The following GRM1 variants were observed in gnomAD, a reference collection of about 807,000 sequenced individuals.
The protein encoded by GRM1 is glutamate metabotropic receptor 1.
Under a neutral mutation model 90.9 loss-of-function variants are expected in GRM1, and 33 were observed. The ratio of observed to expected loss-of-function variants is 0.36; its 90% CI spans 0.28 to 0.49. The LOEUF (loss-of-function observed/expected upper bound fraction) is 0.49, where lower values mean the gene tolerates loss of function less well. Among genes scored for constraint, GRM1 ranks in the 20% least tolerant of loss-of-function variants. The pLI is 0.99. For synonymous variants in GRM1, 700 were observed against 613.2 expected (o/e 1.14, Z -2.09); for missense variants, 1,190 against 1,534.3 (o/e 0.78, Z 3.75).
rs150222930 is a variant in GRM1, at chr6:146,329,709, A to T, written c.1187-22541A>T. Reference sequence around the variant, plus strand: ...ACTATAAATCAAAAATGTGTTGAATACACCTAACCTGCCAAACATCATAGC... The same window carrying T: ...ACTATAAATCAAAAATGTGTTGAATTCACCTAACCTGCCAAACATCATAGC... On this transcript the variant is annotated intron_variant, in intron 3 of 7. Coordinates refer to ENST00000282753, the MANE Select transcript of GRM1 (RefSeq NM_001278064.2). Among the ~76,000 whole-genome samples, 140 of 152,316 alleles carry T rather than the reference A, an allele frequency of 9.2e-4. 1 individual carries two copies. Among genetic ancestry groups the T allele is most frequent in the African/African-American group, 3.1e-3 (128 of 41,566 alleles).
At chr6:146,252,878 G>T (rs1254423772) in intron 2 of GRM1, among the ~76,000 whole-genome samples, 2 of 152,048 alleles carry the variant, frequency 1.3e-5, no homozygotes, top group Non-Finnish European at 2.9e-5. Flanking sequence ...TGGCCAACAT[G>T]ATGAAACTCT....
intron 2 of GRM1, among the ~76,000 whole-genome samples, chr6:146,291,036 G>A (rs999963396): frequency 6.6e-6 from 1 of 152,184 alleles, no homozygotes; most frequent in African/African-American, 2.4e-5. Flanking sequence ...GTTATATTAT[G>A]AAACAAGGGG....
chr6:146,140,268 T>G (rs1351410860), intron 1 of GRM1, among the ~76,000 whole-genome samples: 4 of 151,144 alleles, frequency 2.6e-5, no homozygotes, highest in African/African-American at 9.8e-5. Flanking sequence ...GTATTATTAT[T>G]ATGATTATTA....
At chr6:146,283,078 T>G (rs900154124) in intron 2 of GRM1, among the ~76,000 whole-genome samples, 2 of 152,204 alleles carry the variant, frequency 1.3e-5, no homozygotes, top group African/African-American at 4.8e-5. Context: ...AAATAGATGC[T>G]GCTCTCTCAG....
At chr6:146,253,369 G>A (rs1179639275) in intron 2 of GRM1, among the ~76,000 whole-genome samples, 1 of 152,110 alleles carries the variant, frequency 6.6e-6, no homozygotes. Context: ...ATGATTTTCT[G>A]TGAATATGTG....
chr6:146,118,519 T>C (rs1775852351), intron 1 of GRM1, among the ~76,000 whole-genome samples: 1 of 152,210 alleles, frequency 6.6e-6, no homozygotes, highest in Non-Finnish European at 1.5e-5. Flanking sequence ...ATATGTGCCA[T>C]GTTGGTGTAC....
chr6:146,287,193 T>C (rs1782797259), intron 2 of GRM1, among the ~76,000 whole-genome samples: 3 of 152,136 alleles, frequency 2.0e-5, no homozygotes, highest in Non-Finnish European at 4.4e-5. Context: ...CTGTAATAAG[T>C]AGGGTTTAGA....
At chr6:146,344,286 C>G (rs753368982) in intron 3 of GRM1, among the ~76,000 whole-genome samples, 14 of 152,144 alleles carry the variant, frequency 9.2e-5, no homozygotes, top group Non-Finnish European at 1.5e-5. Context: ...ACTTTACTAT[C>G]TATAGTGCAG....
At chr6:146,217,103 A>C (rs1779898990) in intron 2 of GRM1, among the ~76,000 whole-genome samples, 1 of 152,228 alleles carries the variant, frequency 6.6e-6, no homozygotes, top group Non-Finnish European at 1.5e-5. Flanking sequence ...TAATTTGAGA[A>C]GACAAGCATA....
At chr6:146,218,590 T>G (rs920314964) in intron 2 of GRM1, among the ~76,000 whole-genome samples, 7 of 152,172 alleles carry the variant, frequency 4.6e-5, no homozygotes, top group African/African-American at 1.7e-4. Flanking sequence ...ATAAATAAAT[T>G]AGTTCCTTGT....
chr6:146,040,235 A>G (rs986254813), intron 1 of GRM1, among the ~76,000 whole-genome samples: 1 of 152,062 alleles, frequency 6.6e-6, no homozygotes, highest in African/African-American at 2.4e-5. Context: ...AAGAAAGCTG[A>G]TGGGTAAAAG....
In GRM1 at chr6:146,240,209, G is replaced by A. The variant is rs75261199; in HGVS notation, c.951-64402G>A. 1.8e-3 allele frequency among the ~76,000 whole-genome samples: 271 copies of A among 152,032 alleles called. 1 individual carries two copies. Among genetic ancestry groups the A allele is most frequent in the African/African-American group, 6.1e-3 (252 of 41,478 alleles). ...AAACACTTCAGGGCCATGTAGAACC[G>A]TACAGGATACCTCTGGCTCCGACGT... On this transcript the variant is annotated intron_variant, in intron 2 of 7. Transcript: ENST00000282753.
chr6:146,122,313 T>C (rs1776021215), intron 1 of GRM1, among the ~76,000 whole-genome samples: 1 of 152,168 alleles, frequency 6.6e-6, no homozygotes, highest in Non-Finnish European at 1.5e-5. Flanking sequence ...GGCAAGATAA[T>C]GTTTGTTTCT....
rs150387237 is a variant in GRM1, at chr6:146,192,131, G to C, written c.950+32534G>C. Among the ~76,000 whole-genome samples the C allele has an allele frequency of 9.3e-4, 141 of 152,176 alleles. 1 individual carries two copies. The highest frequency in any genetic ancestry group is 3.1e-3 in the African/African-American group (129 of 41,510). On this transcript the variant is annotated intron_variant, in intron 2 of 7. Coordinates refer to ENST00000282753, the MANE Select transcript of GRM1 (RefSeq NM_001278064.2). ...TCTAAGACAATTTCCAAATGCTAGC[G>C]TTCACTTATTGAAAAGGGGAAAGTC...
intron 7 of GRM1, among the ~76,000 whole-genome samples, chr6:146,414,436 C>A (rs1777693761): frequency 6.8e-6 from 1 of 146,618 alleles, no homozygotes; most frequent in African/African-American, 2.6e-5. Flanking sequence ...TGGAGTCTCA[C>A]ACTGTCGTCC....
intron 1 of GRM1, among the ~76,000 whole-genome samples, chr6:146,032,596 T>C (rs1255163974): frequency 6.6e-6 from 1 of 152,114 alleles, no homozygotes; most frequent in African/African-American, 2.4e-5. Flanking sequence ...GACAGTTCCC[T>C]GTCAAATAGC....
intron 2 of GRM1, among the ~76,000 whole-genome samples, chr6:146,220,804 G>C (rs1780034895): frequency 6.6e-6 from 1 of 152,076 alleles, no homozygotes; most frequent in South Asian, 2.1e-4. Context: ...TAGAAGTAGG[G>C]GTTTGGAGGA....
In GRM1 at chr6:146,436,156, A is replaced by G. The variant is rs979769661; in HGVS notation, c.*1360A>G. 6.6e-6 allele frequency: 1 copy of G among 152,632 alleles called. No individual in the cohort carries two copies. Among genetic ancestry groups the G allele is most frequent in the Non-Finnish European group, 1.5e-5 (1 of 68,030 alleles). 9.5% of individuals were successfully genotyped at this position (152,632 alleles called of 1,614,324 possible). On this transcript the variant is annotated 3_prime_UTR_variant, in exon 8 of 8. Coordinates refer to ENST00000282753, the MANE Select transcript of GRM1 (RefSeq NM_001278064.2). ...TACTATATATATTTTTTATGTTCCA[A>G]TAATGTTTTGTACATCATTGTCATC... is the stretch of plus-strand genomic sequence containing the variant.
intron 5 of GRM1, among the ~76,000 whole-genome samples, chr6:146,384,109 G>A (rs941988695): frequency 3.9e-5 from 6 of 152,102 alleles, no homozygotes; most frequent in Non-Finnish European, 8.8e-5. Context: ...TAAGAAGACA[G>A]AATCAGAGTT....
Sources: gnomAD v4.1 joint callset for allele counts (sites outside exome capture counted in the v4.1 genomes callset) on GRCh38, gnomAD v4.1.1 for gene constraint, MANE v1.5 for transcripts, NCBI Gene and HGNC (gene_info 2026-07-23, HGNC 2026-07-21) for gene names.